The following RNF222 variants were observed in gnomAD, a reference collection of about 807,000 sequenced individuals.
RNF222 encodes the protein ring finger protein 222.
In RNF222, 14 loss-of-function variants were observed where a neutral mutation model predicts 10.8. That is an observed-to-expected ratio of 1.30 (90% CI 0.86 to 2.03). RNF222 has a LOEUF of 2.03. Among genes scored for constraint, RNF222 ranks in the 30% most tolerant of loss-of-function variants. RNF222 has a pLI of 0.00. For synonymous variants in RNF222, 141 were observed against 142.5 expected, an observed-to-expected ratio of 0.99 and a Z score of 0.07; for missense variants, 298 against 295.8, an observed-to-expected ratio of 1.01 and a Z score of -0.06.
At chr17:8,394,672 C>T (rs941585595) in intron 1 of RNF222, among the ~76,000 whole-genome samples, 2 of 152,106 alleles carry the variant, frequency 1.3e-5, no homozygotes, top group African/African-American at 4.8e-5. Flanking sequence ...TCCTGACCTC[C>T]GGTGATCCGC....
intron 1 of RNF222, among the ~76,000 whole-genome samples, chr17:8,396,366 G>A (rs1373719868): frequency 6.6e-6 from 1 of 152,130 alleles, no homozygotes; most frequent in African/African-American, 2.4e-5. Flanking sequence ...GTAGGTATTA[G>A]CCAAGTTAGA....
intron 1 of RNF222, among the ~76,000 whole-genome samples, 174 bp from the exon 2 acceptor site, chr17:8,394,503 C>A (rs1907978399): frequency 6.7e-6 from 1 of 149,716 alleles, no homozygotes; most frequent in African/African-American, 2.5e-5. Context: ...AGTGGCGCAA[C>A]CTCAGCTCAC....
At position 8,392,818 on chromosome 17, in the gene RNF222, A is replaced by G; in HGVS notation, c.644T>C (p.Leu215Pro). The change falls in exon 3 of 3, where the codon CTG becomes CCG. Residue 215 changes from leucine (L) to proline (P), a missense_variant. By Grantham distance (98) the Leu-to-Pro change is moderately conservative. Transcript: ENST00000399398. This position sits in a 1 kb window ranked among gnomAD's most constrained non-coding sequence, Gnocchi z 4.3. The part of the protein sequence containing the change: ...VVAAILPWVL[L>P]VRKQA ...TGCGGCTCACGCCTGCTTCCTCACC[A>G]GCAGCACCCAGGGCAGGATGGCGGC... The G allele has an allele frequency of 6.5e-7, 1 of 1,531,852 alleles. No homozygotes were observed. The highest frequency in any genetic ancestry group is 8.7e-7 in the Non-Finnish European group (1 of 1,145,314). The allele number at this position is 1,531,852 out of a possible 1,614,324, so 94.9% of individuals were successfully genotyped here.
At position 8,392,697 on chromosome 17, in the gene RNF222, C is replaced by T; in HGVS notation, c.*102G>A. On this transcript the variant is annotated 3_prime_UTR_variant, in exon 3 of 3. Coordinates refer to ENST00000399398, the MANE Select transcript of RNF222 (RefSeq NM_001146684.3). This position sits in a 1 kb window ranked among gnomAD's most constrained non-coding sequence, Gnocchi z 4.3. ...CTCTGTGCCCAGGTCCTCCCCTCTG[C>T]CTGCCCGCGTGCCCCTCGGAGCTTG... 7.2e-7 allele frequency: 1 copy of T among 1,390,114 alleles called. No homozygotes were observed. Among genetic ancestry groups the T allele is most frequent in the Non-Finnish European group, 9.5e-7 (1 of 1,053,244 alleles). 86.1% of individuals were successfully genotyped at this position (1,390,114 alleles called of 1,614,324 possible). A position where few individuals can be genotyped will look rare whatever the true frequency, so the allele number is the denominator to read the frequency against.
At chr17:8,396,798 C>G (rs1280724446) in intron 1 of RNF222, among the ~76,000 whole-genome samples, 1 of 152,186 alleles carries the variant, frequency 6.6e-6, no homozygotes, top group Non-Finnish European at 1.5e-5. Context: ...ATTCCATTCC[C>G]CATCCTTGAG....
At position 8,391,538 on chromosome 17, in the gene RNF222, T is replaced by G. The variant is rs1907826754; in HGVS notation, c.*1261A>C. 3 of 144,638 alleles carry G rather than the reference T, an allele frequency of 2.1e-5. No homozygotes were observed. Among genetic ancestry groups the G allele is most frequent in the African/African-American group, 7.8e-5 (3 of 38,412 alleles). The allele number at this position is 144,638 out of a possible 1,614,324, so 9.0% of individuals were successfully genotyped here. Reference sequence around the variant, plus strand: ...CCAGAGGGGTATAGGTTGAGGGAGGTTGGGGGCTCAGCTGTGGGCACAGCT... The same window carrying G: ...CCAGAGGGGTATAGGTTGAGGGAGGGTGGGGGCTCAGCTGTGGGCACAGCT... On this transcript the variant is annotated 3_prime_UTR_variant, in exon 3 of 3. Coordinates refer to ENST00000399398, the MANE Select transcript of RNF222 (RefSeq NM_001146684.3).
In RNF222 at chr17:8,390,839, A is replaced by T. The variant is rs1290880194; in HGVS notation, c.*1960T>A. The T allele has an allele frequency of 1.3e-5, 2 of 152,240 alleles. No homozygotes were observed. The highest frequency in any genetic ancestry group is 1.3e-4 in the Admixed American group (2 of 15,274). The allele number at this position is 152,240 out of a possible 1,614,324, so 9.4% of individuals were successfully genotyped here. On this transcript the variant is annotated 3_prime_UTR_variant, in exon 3 of 3. Coordinates refer to ENST00000399398, the MANE Select transcript of RNF222 (RefSeq NM_001146684.3). The stretch of plus-strand genomic sequence containing the variant: ...TTGAAAGAAACTTTTGGCAAATACG[A>T]CAGAATCTGAAAAGACTAGAACCAG...
Position 8,391,981 on chromosome 17 carries a change from G to A in RNF222, c.*818C>T, listed in dbSNP as rs1429591144. On this transcript the variant is annotated 3_prime_UTR_variant, in exon 3 of 3. Coordinates refer to ENST00000399398, the MANE Select transcript of RNF222 (RefSeq NM_001146684.3). ...TCGTTTGCCCACATAGTTCTCAGCT[G>A]ACTCAAGGCTCGCCTGTCAGGCTTC... 6.6e-6 allele frequency: 1 copy of A among 152,294 alleles called. No individual in the cohort carries two copies. The highest frequency in any genetic ancestry group is 1.5e-5 in the Non-Finnish European group (1 of 68,130). 9.4% of individuals were successfully genotyped at this position (152,294 alleles called of 1,614,324 possible).
intron 1 of RNF222, among the ~76,000 whole-genome samples, chr17:8,396,058 GA>G (rs1908028278): frequency 6.6e-6 from 1 of 152,164 alleles, no homozygotes; most frequent in Non-Finnish European, 1.5e-5. Context: ...AAGTTTTCTT[GA>G]AAAAGATATT....
At chr17:8,396,687 C>T (rs996709424) in intron 1 of RNF222, among the ~76,000 whole-genome samples, 2 of 152,112 alleles carry the variant, frequency 1.3e-5, no homozygotes, top group African/African-American at 4.8e-5. Flanking sequence ...AGAGCCACGC[C>T]GTCAACACCT....
chr17:8,393,440 C>T lies in RNF222; in HGVS notation c.22G>A (p.Asp8Asn). 1.9e-6 allele frequency: 3 copies of T among 1,550,320 alleles called. No individual in the cohort carries two copies. Among genetic ancestry groups the T allele is most frequent in the East Asian group, 4.9e-5 (2 of 40,922 alleles). The change falls in exon 3 of 3, where the codon GAC (aspartate) becomes AAC (asparagine). Residue 8 changes from aspartate (D) to asparagine (N), a missense_variant. Coordinates refer to ENST00000399398, the MANE Select transcript of RNF222 (RefSeq NM_001146684.3). MSEGESK[D>N]SSGSECPVCY... ...ACGGGGCACTCACTGCCCGAGCTGTCCTTGCTCTCCCCTTCTGACATGGCC... is the reference window on the plus strand; with the variant it reads ...ACGGGGCACTCACTGCCCGAGCTGTTCTTGCTCTCCCCTTCTGACATGGCC...
rs1391447714 is a variant in RNF222, at chr17:8,392,463, C to T, written c.*336G>A. 6.5e-6 allele frequency: 2 copies of T among 306,410 alleles called. No homozygotes were observed. The highest frequency in any genetic ancestry group is 4.9e-5 in the Admixed American group (1 of 20,410). 19.0% of individuals were successfully genotyped at this position (306,410 alleles called of 1,614,324 possible). A position where few individuals can be genotyped will look rare whatever the true frequency, so the allele number is the denominator to read the frequency against. ...CTTGTCCCTGGAGGGGCCCACCTGG[C>T]TTTGGGCAGGTCACCTGGCAGGTAA... On this transcript the variant is annotated 3_prime_UTR_variant, in exon 3 of 3. Coordinates refer to ENST00000399398, the MANE Select transcript of RNF222 (RefSeq NM_001146684.3). This position sits in a 1 kb window ranked among gnomAD's most constrained non-coding sequence, Gnocchi z 4.3.
intron 1 of RNF222, among the ~76,000 whole-genome samples, chr17:8,396,537 C>T (rs1172441349): frequency 2.0e-5 from 3 of 151,976 alleles, no homozygotes; most frequent in African/African-American, 7.3e-5. Context: ...ACAATGGCCT[C>T]TCTGGGCAAT....
At chr17:8,394,931 A>G (rs1907993749) in intron 1 of RNF222, among the ~76,000 whole-genome samples, 1 of 152,218 alleles carries the variant, frequency 6.6e-6, no homozygotes, top group Admixed American at 6.5e-5. Flanking sequence ...AAAAAGAACC[A>G]TGATTCCTTG....
chr17:8,395,706 A>G (rs1165574464), intron 1 of RNF222, among the ~76,000 whole-genome samples: 1 of 152,248 alleles, frequency 6.6e-6, no homozygotes, highest in Non-Finnish European at 1.5e-5. Flanking sequence ...AATGGATAAG[A>G]TAAGTGATGG....
chr17:8,392,711 C>A lies in RNF222; in HGVS notation c.*88G>T. 1.4e-6 allele frequency: 2 copies of A among 1,453,614 alleles called. No individual in the cohort carries two copies. The highest frequency in any genetic ancestry group is 9.1e-7 in the Non-Finnish European group (1 of 1,101,564). 90.0% of individuals were successfully genotyped at this position (1,453,614 alleles called of 1,614,324 possible). A position where few individuals can be genotyped will look rare whatever the true frequency, so the allele number is the denominator to read the frequency against. ...CCTCCCCTCTGCCTGCCCGCGTGCC[C>A]CTCGGAGCTTGGTGGCACCAGGGCT... On this transcript the variant is annotated 3_prime_UTR_variant, in exon 3 of 3. Transcript: ENST00000399398. This position sits in a 1 kb window ranked among gnomAD's most constrained non-coding sequence, Gnocchi z 4.3.
chr17:8,392,895 G>A lies in RNF222; in HGVS notation c.567C>T (p.Cys189=). 6.5e-7 allele frequency: 1 copy of A among 1,532,874 alleles called. No homozygotes were observed. The highest frequency in any genetic ancestry group is 8.7e-7 in the Non-Finnish European group (1 of 1,145,752). The allele number at this position is 1,532,874 out of a possible 1,614,324, so 95.0% of individuals were successfully genotyped here. A position where few individuals can be genotyped will look rare whatever the true frequency, so the allele number is the denominator to read the frequency against. The change falls in exon 3 of 3, where the codon TGC becomes TGT. Residue 189 remains cysteine, a synonymous_variant. Transcript: ENST00000399398. This position sits in a 1 kb window ranked among gnomAD's most constrained non-coding sequence, Gnocchi z 4.3. ...LAPRSARAFC[C]RSRALLLITL... ...TGATGAGCAGCAGGGCCCGCGATCG[G>A]CAGCAGAAGGCGCGGGCGGAGCGGG...
At chr17:8,396,201 G>A (rs1354065333) in intron 1 of RNF222, among the ~76,000 whole-genome samples, 2 of 152,200 alleles carry the variant, frequency 1.3e-5, no homozygotes, top group Non-Finnish European at 2.9e-5. Context: ...CTTAGTTGAA[G>A]CTCCTAGTTT....
In RNF222 at chr17:8,393,387, C is replaced by T. The variant is rs1490999893; in HGVS notation, c.75G>A (p.Glu25=). 1.3e-6 allele frequency: 2 copies of T among 1,551,562 alleles called. No individual in the cohort carries two copies. Among genetic ancestry groups the T allele is most frequent in the African/African-American group, 1.4e-5 (1 of 73,038 alleles). The change falls in exon 3 of 3, where the codon GAG becomes GAA. Residue 25 remains glutamate (E), a synonymous_variant. Transcript: ENST00000399398. ...CACAGCTCAGCGTCCGGCTGGCGCC[C>T]TCCAGGTCCCGGAACTTCTCATAGC... ...PVCYEKFRDL[E]GASRTLSCGH...
Sources: allele counts gnomAD v4.1 joint callset (sites outside exome capture counted in the v4.1 genomes callset), GRCh38; gene constraint gnomAD v4.1.1; non-coding constraint Gnocchi (gnomAD v3.1); transcripts MANE v1.5; gene names NCBI Gene and HGNC (gene_info 2026-07-23, HGNC 2026-07-21).